Variants in STON2 observed in about 807,000 individuals in gnomAD.
STON2 encodes stonin-2.
A neutral mutation model predicts 65.7 loss-of-function variants in STON2; 29 were observed. The ratio of observed to expected loss-of-function variants is 0.44; its 90% CI spans 0.33 to 0.60. The LOEUF (loss-of-function observed/expected upper bound fraction) is 0.60, where lower values mean the gene tolerates loss of function less well. Among genes scored for constraint, STON2 ranks in the 20% least tolerant of loss-of-function variants. The pLI, the probability that STON2 is intolerant of heterozygous loss-of-function variation, is 0.03. For missense variants in STON2, 1,054 were observed against 1,118.1 expected, an observed-to-expected ratio of 0.94 and a Z score of 0.82; for synonymous variants, 404 against 414.2, an observed-to-expected ratio of 0.98 and a Z score of 0.30.
intron 3 of STON2, among the ~76,000 whole-genome samples, chr14:81,391,785 G>C (rs1038413767): frequency 6.6e-6 from 1 of 152,088 alleles, no homozygotes; most frequent in African/African-American, 2.4e-5. Context: ...TCTGCTTCTT[G>C]CCTACAGACT....
intron 7 of STON2, chr14:81,269,298 A>ACC: frequency 1.0e-6 from 1 of 984,926 alleles, no homozygotes; most frequent in Non-Finnish European, 1.2e-6. Context: ...GAGCCACAGC[A>ACC]CCCGGCCACC....
intron 3 of STON2, among the ~76,000 whole-genome samples, chr14:81,390,275 A>G (rs1051979714): frequency 6.6e-6 from 1 of 152,204 alleles, no homozygotes; most frequent in Non-Finnish European, 1.5e-5. Flanking sequence ...TAATCACAGC[A>G]GCACAGGTTG....
At chr14:81,336,336 A>AAGGCTTAGTGGGGTTGAGTG in intron 4 of STON2, among the ~76,000 whole-genome samples, 1 of 152,118 alleles carries the variant, frequency 6.6e-6, no homozygotes, top group East Asian at 1.9e-4. Context: ...GGAAGAAACT[A>AAGGCTTAGTGGGGTTGAGTG]AGGCTTAGTG....
intron 4 of STON2, among the ~76,000 whole-genome samples, chr14:81,355,541 C>T (rs1898192730): frequency 6.6e-6 from 1 of 152,118 alleles, no homozygotes; most frequent in African/African-American, 2.4e-5. Context: ...CTTCGTTCAA[C>T]AAAGCTGCCT....
At chr14:81,359,769 C>G (rs943407547) in intron 4 of STON2, among the ~76,000 whole-genome samples, 2 of 152,094 alleles carry the variant, frequency 1.3e-5, no homozygotes, top group Non-Finnish European at 2.9e-5. Context: ...CTGGAAGAAA[C>G]GGATAAATTC....
At chr14:81,430,730 CAT>C (rs765141777) in intron 1 of STON2, among the ~76,000 whole-genome samples, 2 of 152,106 alleles carry the variant, frequency 1.3e-5, no homozygotes, top group Non-Finnish European at 2.9e-5. Context: ...TGTGAAAAAA[CAT>C]ATATATATGA....
In STON2 at chr14:81,412,877, G is replaced by T. The variant is rs1351763735; in HGVS notation, c.-199+14225C>A. ...AAGCTTTCTTCTTAGAGGCGCCACG[G>T]CTTCCATAGCGATGGCAGCTCCAGC... On this transcript the variant is annotated intron_variant, in intron 2 of 8. Transcript: ENST00000553821. 4 of 548,796 alleles carry T rather than the reference G, an allele frequency of 7.3e-6. No homozygotes were observed. In the Admixed American group the frequency reaches 1.4e-4, roughly 19 times the overall value. The allele number at this position is 548,796 out of a possible 1,614,324, so 34.0% of individuals were successfully genotyped here.
At position 81,276,892 on chromosome 14, in the gene STON2, A is replaced by T; in HGVS notation, c.2581+9T>A. ...TGTTTGTTTTCACAGAAGAGGAACCACCACCCACCTGAGTTTTTGTCCGGC... is the reference window on the plus strand; with the variant it reads ...TGTTTGTTTTCACAGAAGAGGAACCTCCACCCACCTGAGTTTTTGTCCGGC... On this transcript the variant is annotated intron_variant, in intron 6 of 7. Transcript: ENST00000614646. 1 of 1,603,172 alleles carries T rather than the reference A, an allele frequency of 6.2e-7. No homozygotes were observed. The highest frequency in any genetic ancestry group is 1.3e-5 in the African/African-American group (1 of 74,706).
Position 81,277,713 on chromosome 14 carries a change from G to A in STON2, c.1769C>T (p.Thr590Ile). The A allele has an allele frequency of 6.2e-7, 1 of 1,614,168 alleles. No homozygotes were observed. The highest frequency in any genetic ancestry group is 1.1e-5 in the South Asian group (1 of 91,082). The change falls in exon 6 of 8, where the codon ACC (threonine) becomes ATC (isoleucine). Residue 590 changes from threonine to isoleucine, a missense_variant. Thr to Ile is a moderately conservative substitution (Grantham distance 89). Coordinates refer to ENST00000614646, the MANE Select transcript of STON2 (RefSeq NM_001394390.1). ...GAAACTCAGGAAGTCATCGTAATTG[G>A]TGGTGCCCAGCTTAATCACCTGTTC... ...EREQVIKLGT[T>I]NYDDFLSFIH...
At position 81,267,960 on chromosome 14, in the gene STON2, G is replaced by A; in HGVS notation, c.*454C>T. The stretch of plus-strand genomic sequence containing the variant: ...TTTCTGAACCTTTTCTAGACAGAGT[G>A]AAAGAGATGGATTCTTAATTAACTT... On this transcript the variant is annotated 3_prime_UTR_variant, in exon 8 of 8. Coordinates refer to ENST00000614646, the MANE Select transcript of STON2 (RefSeq NM_001394390.1). 1 of 986,662 alleles carries A rather than the reference G, an allele frequency of 1.0e-6. No individual in the cohort carries two copies. The highest frequency in any genetic ancestry group is 1.2e-6 in the Non-Finnish European group (1 of 830,822). The allele number at this position is 986,662 out of a possible 1,614,324, so 61.1% of individuals were successfully genotyped here.
At chr14:81,331,041 G>A (rs947183462) in intron 4 of STON2, among the ~76,000 whole-genome samples, 2 of 152,212 alleles carry the variant, frequency 1.3e-5, no homozygotes, top group African/African-American at 2.4e-5. Flanking sequence ...CATGGAGGTG[G>A]TACTCAGAGA....
intron 5 of STON2, among the ~76,000 whole-genome samples, chr14:81,321,686 G>T (rs1896826373): frequency 6.6e-6 from 1 of 152,182 alleles, no homozygotes; most frequent in African/African-American, 2.4e-5. Flanking sequence ...TCAAGCAGAT[G>T]TTGCATTCAA....
chr14:81,417,219 C>T (rs1009504809), intron 2 of STON2, among the ~76,000 whole-genome samples: 11 of 152,158 alleles, frequency 7.2e-5, no homozygotes, highest in African/African-American at 2.4e-4. Context: ...GCCATTCACA[C>T]AATGCGACAA....
chr14:81,310,585 T>A lies in STON2; in HGVS notation c.742+13432A>T, dbSNP rs1595335182. On this transcript the variant is annotated intron_variant, in intron 5 of 7. Coordinates refer to ENST00000614646, the MANE Select transcript of STON2 (RefSeq NM_001394390.1). ...GAGTATCCAGATGTTATTCATGAAC[T>A]AATTATGGCTAACATTTATTGAGGA... Among the ~76,000 whole-genome samples, 3 of 152,340 alleles carry A rather than the reference T, an allele frequency of 2.0e-5. No homozygotes were observed. The South Asian group carries it at 6.2e-4, about 32-fold the overall frequency.
chr14:81,408,258 T>C (rs1900974080), intron 2 of STON2, among the ~76,000 whole-genome samples: 1 of 152,182 alleles, frequency 6.6e-6, no homozygotes, highest in African/African-American at 2.4e-5. Context: ...TTTCGACGTT[T>C]AAAAATTTCA....
In STON2 at chr14:81,374,970, C is replaced by G. The variant is rs145221928; in HGVS notation, c.374-3785G>C. Among the ~76,000 whole-genome samples the G allele has an allele frequency of 6.4e-4, 97 of 152,230 alleles. 1 individual carries two copies. Among genetic ancestry groups the G allele is most frequent in the Non-Finnish European group, 4.4e-5 (3 of 67,984 alleles). On this transcript the variant is annotated intron_variant, in intron 3 of 7. Coordinates refer to ENST00000614646, the MANE Select transcript of STON2 (RefSeq NM_001394390.1). ...ACCAAAAACAAAGAGAAGATCTTAA[C>G]AGCCATCAAAGAGAAAATACACATT...
chr14:81,305,205 T>C (rs981393790), intron 5 of STON2, among the ~76,000 whole-genome samples: 20 of 152,268 alleles, frequency 1.3e-4, no homozygotes, highest in African/African-American at 4.3e-4. Context: ...GCCAGGCTTC[T>C]ATGAATATTC....
chr14:81,395,239 T>C (rs1441971215), intron 3 of STON2: 4 of 152,186 alleles, frequency 2.6e-5, no homozygotes, highest in African/African-American at 7.2e-5. Context: ...TTAACACACA[T>C]TCATTTCTGT....
chr14:81,398,723 C>A, intron 1 of STON2, 143 bp from the exon 2 acceptor site: 1 of 207,678 alleles, frequency 4.8e-6, no homozygotes, highest in Non-Finnish European at 9.5e-6. Flanking sequence ...CTGTTCCTGT[C>A]ATGCCCTCAC....
Sources: gnomAD v4.1 joint callset for allele counts (sites outside exome capture counted in the v4.1 genomes callset) on GRCh38, gnomAD v4.1.1 for gene constraint, MANE v1.5 for transcripts, NCBI Gene and HGNC (gene_info 2026-07-23, HGNC 2026-07-21) for gene names.